Variants in CYFIP2 observed in about 807,000 individuals in gnomAD.
CYFIP2 encodes the protein cytoplasmic FMR1 interacting protein 2, also known as cytoplasmic FMR1-interacting protein 2.
CYFIP2 carries 29 observed loss-of-function variants against 158.7 expected under a neutral mutation model. The observed-to-expected ratio is 0.18, with a 90% CI of 0.14 to 0.25. The LOEUF is 0.25. Among genes scored for constraint, CYFIP2 ranks in the 10% least tolerant of loss-of-function variants. The probability of loss-of-function intolerance (pLI) is 1.00; values close to 1 mark genes in which losing one functional copy is unlikely to be tolerated. For synonymous variants in CYFIP2, 585 were observed against 617.6 expected (o/e 0.95, Z 0.78); for missense variants, 852 against 1,639.5 (o/e 0.52, Z 8.29).
rs577627376 is a variant in CYFIP2 at position 157,311,642 on chromosome 5, G to T, written c.993-22G>T. ...GGCGCCTGAGGCTGGGACCCTCTCC[G>T]ACCCCATAATTTTCTACCCAGGTGG... is the stretch of plus-strand genomic sequence containing the variant. On this transcript the variant is annotated intron_variant, in intron 10 of 30. Coordinates refer to ENST00000620254, the MANE Select transcript of CYFIP2 (RefSeq NM_001037333.3). The surrounding 1 kb of genome is among the most constrained non-coding windows in gnomAD (Gnocchi z 4.7). 1.9e-6 allele frequency: 3 copies of T among 1,583,200 alleles called. No homozygotes were observed. Among genetic ancestry groups the T allele is most frequent in the Non-Finnish European group, 2.6e-6 (3 of 1,164,878 alleles).
At chr5:157,342,634 G>T in intron 23 of CYFIP2, 3 of 468,894 alleles carry the variant, frequency 6.4e-6, no homozygotes, top group South Asian at 1.1e-4. Context: ...TGTGTCCTCC[G>T]AGTGGACGCT....
intron 26 of CYFIP2, chr5:157,362,911 T>C (rs1763966847): frequency 6.6e-6 from 1 of 152,166 alleles, no homozygotes; most frequent in East Asian, 1.9e-4. Context: ...TCATTTCTTA[T>C]GATGGGGGAC....
intron 3 of CYFIP2, among the ~76,000 whole-genome samples, chr5:157,292,872 C>T (rs904278684): frequency 3.9e-5 from 6 of 151,938 alleles, no homozygotes; most frequent in Admixed American, 6.6e-5. Context: ...TGTATGTGTT[C>T]CATTTAATTC....
chr5:157,330,891 G>C, intron 20 of CYFIP2, 41 bp downstream of exon 20: 1 of 1,480,832 alleles, frequency 6.8e-7, no homozygotes, highest in Non-Finnish European at 9.4e-7. Context: ...GAAGGGGCAG[G>C]AGAGAGCAGC....
At chr5:157,319,723 G>C in intron 13 of CYFIP2, 39 bp from the exon 14 acceptor site, 2 of 1,608,162 alleles carry the variant, frequency 1.2e-6, no homozygotes, top group Non-Finnish European at 1.7e-6. Context: ...CTGGTGTGCT[G>C]GACATGGTGA....
chr5:157,375,511 C>T lies in CYFIP2; in HGVS notation c.3040-7079C>T, dbSNP rs375896573. On this transcript the variant is annotated intron_variant, in intron 26 of 30. Transcript: ENST00000620254. ...CTTGGGTTCAAGTCTTGCCTCTATA[C>T]TGGATAGCTATGAGACTCTGTTATA... Among the ~76,000 whole-genome samples the T allele has an allele frequency of 3.3e-5, 5 of 152,304 alleles. No individual in the cohort carries two copies. The South Asian group carries it at 6.2e-4, about 19-fold the overall frequency.
Position 157,392,768 on chromosome 5 carries a change from T to C in CYFIP2, c.3595-65T>C, listed in dbSNP as rs1767438102. ...GACCCTGGACCTCAGTGACTTCTCC[T>C]GTTACTCCCTCTTTCCACCCCCACT... On this transcript the variant is annotated intron_variant, in intron 30 of 30. Transcript: ENST00000620254. 2.6e-6 allele frequency: 4 copies of C among 1,568,542 alleles called. No individual in the cohort carries two copies. In the African/African-American group the frequency reaches 5.4e-5, roughly 21 times the overall value.
At chr5:157,275,341 T>A (rs1756459665) in intron 1 of CYFIP2, among the ~76,000 whole-genome samples, 1 of 152,234 alleles carries the variant, frequency 6.6e-6, no homozygotes, top group Non-Finnish European at 1.5e-5. Flanking sequence ...ATTACATTAT[T>A]TATACCTCAC....
chr5:157,292,885 ATAAAATTCTAT>A lies in CYFIP2; in HGVS notation c.208-1897_208-1887del, dbSNP rs571514949. 7.8e-3 allele frequency among the ~76,000 whole-genome samples: 1,191 copies of A among 152,284 alleles called. 18 individuals carry two copies. Among genetic ancestry groups the A allele is most frequent in the African/African-American group, 0.027 (1,125 of 41,534 alleles). ...TGTGTATGTGTTCCATTTAATTCTCATAAAATTCTATGAGATTATTATTATTATCATGATTT... is the reference window on the plus strand; with the variant it reads ...TGTGTATGTGTTCCATTTAATTCTCAGAGATTATTATTATTATCATGATTT... On this transcript the variant is annotated intron_variant, in intron 3 of 30. Transcript: ENST00000620254.
At position 157,389,181 on chromosome 5, in the gene CYFIP2, G is replaced by C. The variant is rs575026244; in HGVS notation, c.3208-8G>C. ...GGATAGAAGGTGTATGTGCCCTTCT[G>C]TTTCCAGCAAATCGCCATTGCTCGC... On this transcript the variant is annotated splice_polypyrimidine_tract_variant and splice_region_variant and intron_variant, in intron 28 of 30. Transcript: ENST00000620254. The C allele has an allele frequency of 6.2e-7, 1 of 1,602,868 alleles. No homozygotes were observed. Among genetic ancestry groups the C allele is most frequent in the East Asian group, 2.2e-5 (1 of 44,750 alleles).
At chr5:157,355,935 T>G (rs908581451) in intron 23 of CYFIP2, among the ~76,000 whole-genome samples, 4 of 152,198 alleles carry the variant, frequency 2.6e-5, no homozygotes, top group Non-Finnish European at 5.9e-5. Context: ...AGGAGAAAAT[T>G]TAAAGCATGT....
chr5:157,309,348 A>G (rs574523348), intron 9 of CYFIP2, among the ~76,000 whole-genome samples: 1 of 152,336 alleles, frequency 6.6e-6, no homozygotes, highest in Non-Finnish European at 1.5e-5. Flanking sequence ...GAAGACCAAC[A>G]GCGCTCAGAC....
At chr5:157,280,656 A>G (rs1371007680) in intron 1 of CYFIP2, among the ~76,000 whole-genome samples, 1 of 152,142 alleles carries the variant, frequency 6.6e-6, no homozygotes, top group Non-Finnish European at 1.5e-5. Context: ...AAACATATAT[A>G]AAATTGGATG....
At chr5:157,373,445 C>T (rs1407425583) in intron 26 of CYFIP2, among the ~76,000 whole-genome samples, 1 of 152,166 alleles carries the variant, frequency 6.6e-6, no homozygotes, top group Non-Finnish European at 1.5e-5. Flanking sequence ...ATTAGAGACT[C>T]GCTCCATGGG....
intron 3 of CYFIP2, among the ~76,000 whole-genome samples, chr5:157,290,562 C>T (rs1757737216): frequency 6.6e-6 from 1 of 152,012 alleles, no homozygotes; most frequent in South Asian, 2.1e-4. Flanking sequence ...AGCAAATTGC[C>T]TCTTTCCATG....
intron 16 of CYFIP2, 21 bp downstream of exon 16, chr5:157,324,095 G>A: frequency 3.1e-6 from 5 of 1,596,450 alleles, no homozygotes; most frequent in Non-Finnish European, 4.3e-6. Context: ...TCCCATCCCT[G>A]CTAAGGCATG....
At chr5:157,284,032 G>C (rs1230605429) in intron 1 of CYFIP2, among the ~76,000 whole-genome samples, 1 of 152,098 alleles carries the variant, frequency 6.6e-6, no homozygotes, top group Non-Finnish European at 1.5e-5. Context: ...TTAATCGTGT[G>C]TTTAGGGTTG....
chr5:157,305,455 A>C (rs1247206763), intron 8 of CYFIP2, among the ~76,000 whole-genome samples: 1 of 152,258 alleles, frequency 6.6e-6, no homozygotes, highest in Non-Finnish European at 1.5e-5. Flanking sequence ...TGGAATATAC[A>C]GCAAAGCATA....
chr5:157,355,969 T>C (rs1763380899), intron 23 of CYFIP2, among the ~76,000 whole-genome samples: 1 of 152,160 alleles, frequency 6.6e-6, no homozygotes, highest in Non-Finnish European at 1.5e-5. Flanking sequence ...CCTTTGAAAA[T>C]CATGTTGGGA....
Sources: allele counts gnomAD v4.1 joint callset (sites outside exome capture counted in the v4.1 genomes callset), GRCh38; gene constraint gnomAD v4.1.1; non-coding constraint Gnocchi (gnomAD v3.1); transcripts MANE v1.5; gene names NCBI Gene and HGNC (gene_info 2026-07-23, HGNC 2026-07-21).